DKK2: variants seen among roughly 807,000 people sequenced by gnomAD.
DKK2 encodes dickkopf Wnt signaling pathway inhibitor 2, also known as dickkopf-related protein 2.
A neutral mutation model predicts 28.1 loss-of-function variants in DKK2; 11 were observed. That is an observed-to-expected ratio of 0.39 (90% CI 0.25 to 0.65). The LOEUF is 0.65. Ranked by LOEUF, DKK2 falls within the 30% of genes least tolerant of loss-of-function variation. DKK2 has a pLI of 0.47. For missense variants in DKK2, 326 were observed against 335.5 expected, an observed-to-expected ratio of 0.97 and a Z score of 0.22; for synonymous variants, 135 against 126.5, an observed-to-expected ratio of 1.07 and a Z score of -0.45.
intron 1 of DKK2, among the ~76,000 whole-genome samples, chr4:106,972,136 A>G (rs927619908): frequency 6.6e-6 from 1 of 152,082 alleles, no homozygotes; most frequent in Admixed American, 6.6e-5. Flanking sequence ...AATGGCTTCA[A>G]GGATAATTTA....
intron 1 of DKK2, among the ~76,000 whole-genome samples, chr4:106,980,425 A>G (rs1410513873): frequency 2.6e-5 from 4 of 152,140 alleles, no homozygotes; most frequent in African/African-American, 9.6e-5. Context: ...ATTTCTGCAT[A>G]TTATATATTA....
intron 1 of DKK2, among the ~76,000 whole-genome samples, chr4:107,014,931 A>G (rs1723572857): frequency 6.6e-6 from 1 of 151,514 alleles, no homozygotes; most frequent in South Asian, 2.1e-4. Context: ...CACCAATGTT[A>G]ACTCCCTGGT....
At chr4:107,012,019 C>T (rs773014857) in intron 1 of DKK2, among the ~76,000 whole-genome samples, 16 of 151,100 alleles carry the variant, frequency 1.1e-4, no homozygotes, top group Non-Finnish European at 2.2e-4. Flanking sequence ...GTAGCAGCAC[C>T]TCCTCCATTA....
intron 1 of DKK2, among the ~76,000 whole-genome samples, chr4:106,945,654 T>C (rs1246778439): frequency 1.3e-5 from 2 of 152,176 alleles, no homozygotes; most frequent in Non-Finnish European, 2.9e-5. Flanking sequence ...TGTTTGGATG[T>C]ACAGAGATGG....
At chr4:107,012,433 A>G (rs1723529826) in intron 1 of DKK2, among the ~76,000 whole-genome samples, 1 of 151,340 alleles carries the variant, frequency 6.6e-6, no homozygotes, top group African/African-American at 2.4e-5. Flanking sequence ...TTTCCTAGGA[A>G]GTCACAGCAA....
intron 1 of DKK2, among the ~76,000 whole-genome samples, chr4:107,023,923 T>A (rs143351444): frequency 6.6e-6 from 1 of 152,148 alleles, no homozygotes; most frequent in East Asian, 1.9e-4. Context: ...CCTGCACATA[T>A]AATATGAACA....
rs140748013 is a variant in DKK2, at chr4:106,923,915, A to T, written c.*39T>A. 8.7e-6 allele frequency: 14 copies of T among 1,607,294 alleles called. No individual in the cohort carries two copies. The African/African-American group carries it at 1.7e-4, about 20-fold the overall frequency. On this transcript the variant is annotated 3_prime_UTR_variant, in exon 4 of 4. Coordinates refer to ENST00000285311, the MANE Select transcript of DKK2 (RefSeq NM_014421.3). Reference sequence around the variant, plus strand: ...CATGCTATAATGCATTAAATACACAACTTCACAGTCTGCAATTGATGATGT... The same window carrying T: ...CATGCTATAATGCATTAAATACACATCTTCACAGTCTGCAATTGATGATGT...
At chr4:107,027,836 T>C (rs952032806) in intron 1 of DKK2, among the ~76,000 whole-genome samples, 32 of 150,722 alleles carry the variant, frequency 2.1e-4, no homozygotes, top group African/African-American at 4.9e-4. Context: ...ACTGCAAGCT[T>C]CGCCTCCCGG....
intron 1 of DKK2, among the ~76,000 whole-genome samples, chr4:106,956,645 A>G (rs1722596759): frequency 6.6e-6 from 1 of 152,188 alleles, no homozygotes; most frequent in Non-Finnish European, 1.5e-5. Context: ...AAAACAAGCA[A>G]TGGGGAAAGG....
At chr4:106,956,540 T>C (rs1023032502) in intron 1 of DKK2, among the ~76,000 whole-genome samples, 4 of 152,100 alleles carry the variant, frequency 2.6e-5, no homozygotes, top group Admixed American at 2.0e-4. Flanking sequence ...CATGGTATTG[T>C]TACCAAAACG....
At chr4:106,987,428 C>T (rs780712608) in intron 1 of DKK2, among the ~76,000 whole-genome samples, 1 of 152,106 alleles carries the variant, frequency 6.6e-6, no homozygotes, top group African/African-American at 2.4e-5. Context: ...GTCTAACACC[C>T]ACGTCCCTTT....
At chr4:106,940,646 A>G (rs1268447286) in intron 1 of DKK2, among the ~76,000 whole-genome samples, 4 of 150,818 alleles carry the variant, frequency 2.7e-5, no homozygotes, top group African/African-American at 9.8e-5. Flanking sequence ...GCTGCTATAA[A>G]GACACATGCA....
intron 1 of DKK2, among the ~76,000 whole-genome samples, chr4:106,991,762 A>G (rs1333110782): frequency 1.3e-5 from 2 of 152,104 alleles, no homozygotes. Flanking sequence ...ACACCAAAAT[A>G]CCACTTTTAA....
chr4:106,932,234 C>G (rs1290732015), intron 1 of DKK2, among the ~76,000 whole-genome samples: 1 of 152,134 alleles, frequency 6.6e-6, no homozygotes, highest in African/African-American at 2.4e-5. Context: ...AGAGTATCTC[C>G]TAAAACTATC....
intron 1 of DKK2, among the ~76,000 whole-genome samples, chr4:107,010,429 C>T (rs1723500074): frequency 6.6e-6 from 1 of 151,532 alleles, no homozygotes. Flanking sequence ...CAATTTAAGC[C>T]AAATCCAATA....
chr4:106,988,820 G>GT (rs1217254994), intron 1 of DKK2, among the ~76,000 whole-genome samples: 1 of 152,140 alleles, frequency 6.6e-6, no homozygotes, highest in African/African-American at 2.4e-5. Flanking sequence ...AACGGCTTTT[G>GT]TTCCTTTTGT....
chr4:107,029,905 T>A (rs1350577073), intron 1 of DKK2, among the ~76,000 whole-genome samples: 1 of 152,116 alleles, frequency 6.6e-6, no homozygotes, highest in African/African-American at 2.4e-5. Context: ...TGGAAAAAGA[T>A]AAGTAACATT....
At chr4:106,955,146 A>C (rs1722571177) in intron 1 of DKK2, among the ~76,000 whole-genome samples, 1 of 152,196 alleles carries the variant, frequency 6.6e-6, no homozygotes, top group South Asian at 2.1e-4. Flanking sequence ...TTATCTTAAA[A>C]ATAATAAGTT....
At chr4:107,011,567 T>C (rs1209406935) in intron 1 of DKK2, among the ~76,000 whole-genome samples, 2 of 151,620 alleles carry the variant, frequency 1.3e-5, no homozygotes, top group South Asian at 2.1e-4. Flanking sequence ...GTTTTACACA[T>C]ACTCTGCATT....
Sources: gnomAD v4.1 joint callset for allele counts (sites outside exome capture counted in the v4.1 genomes callset) on GRCh38, gnomAD v4.1.1 for gene constraint, MANE v1.5 for transcripts, NCBI Gene and HGNC (gene_info 2026-07-23, HGNC 2026-07-21) for gene names.